Variants in CNTLN observed in about 807,000 individuals in gnomAD.
CNTLN encodes centlein, centrosomal protein.
In CNTLN, 212 loss-of-function variants were observed where a neutral mutation model predicts 180.0. That is an observed-to-expected ratio of 1.18 (90% CI 1.05 to 1.32). CNTLN has a LOEUF of 1.32. Ranked by LOEUF, CNTLN falls within the 40% of genes most tolerant of loss-of-function variation. The probability of loss-of-function intolerance (pLI) is 0.00; values close to 1 mark genes in which losing one functional copy is unlikely to be tolerated. For missense variants in CNTLN, 2,095 were observed against 1,610.9 expected (o/e 1.30, Z -5.14); for synonymous variants, 722 against 563.1 (o/e 1.28, Z -3.99).
At chr9:17,342,793 C>T (rs1821588593) in intron 12 of CNTLN, among the ~76,000 whole-genome samples, 1 of 152,160 alleles carries the variant, frequency 6.6e-6, no homozygotes, top group African/African-American at 2.4e-5. Context: ...GCCAGCCATC[C>T]TTGTTTGATC....
chr9:17,304,942 A>G (rs1818605669), intron 7 of CNTLN, among the ~76,000 whole-genome samples: 1 of 152,098 alleles, frequency 6.6e-6, no homozygotes, highest in African/African-American at 2.4e-5. Context: ...TGGAAACAAT[A>G]TTGTGGATAA....
intron 2 of CNTLN, among the ~76,000 whole-genome samples, chr9:17,215,565 G>A (rs76216375): frequency 2.6e-5 from 4 of 152,194 alleles, no homozygotes; most frequent in Non-Finnish European, 5.9e-5. Context: ...GAGAACGACT[G>A]CTCTCTTCAA....
intron 12 of CNTLN, among the ~76,000 whole-genome samples, chr9:17,349,918 T>C (rs1822222541): frequency 6.6e-6 from 1 of 152,200 alleles, no homozygotes; most frequent in Non-Finnish European, 1.5e-5. Flanking sequence ...TTAATTTAAA[T>C]AGGGGTATCT....
chr9:17,181,157 C>A (rs930203001), intron 2 of CNTLN, among the ~76,000 whole-genome samples: 2 of 152,180 alleles, frequency 1.3e-5, no homozygotes, highest in African/African-American at 4.8e-5. Context: ...TCTTTCTCTT[C>A]TACCTAGGCT....
intron 2 of CNTLN, among the ~76,000 whole-genome samples, chr9:17,215,349 G>A (rs996096725): frequency 2.6e-5 from 4 of 152,204 alleles, no homozygotes; most frequent in Non-Finnish European, 4.4e-5. Flanking sequence ...TGTCAGCAGC[G>A]GAGGCTGCAG....
At chr9:17,298,986 G>C in intron 7 of CNTLN, 1 of 963,354 alleles carries the variant, frequency 1.0e-6, no homozygotes, top group Non-Finnish European at 1.2e-6. Flanking sequence ...GCTCATGCCT[G>C]TAATCCCAGC....
intron 5 of CNTLN, among the ~76,000 whole-genome samples, chr9:17,271,472 G>A (rs1348029037): frequency 3.3e-4 from 47 of 141,418 alleles, no homozygotes; most frequent in Admixed American, 3.3e-3. Flanking sequence ...TTCCATTCTA[G>A]TAATTTAGGT....
rs1397053020 is a variant in CNTLN, at chr9:17,332,524, A to G, written c.1519-81A>G. ...TTATAATTCATTATTAGTATTCAAA[A>G]TTACTTGTTCTTTAATTTTGCATGT... On this transcript the variant is annotated intron_variant, in intron 9 of 25. Transcript: ENST00000380647. The G allele has an allele frequency of 2.9e-6, 4 of 1,364,276 alleles. No homozygotes were observed. In the Admixed American group the frequency reaches 1.0e-4, roughly 34 times the overall value. The allele number at this position is 1,364,276 out of a possible 1,614,324, so 84.5% of individuals were successfully genotyped here. A position where few individuals can be genotyped will look rare whatever the true frequency, so the allele number is the denominator to read the frequency against.
chr9:17,478,357 G>A (rs1185412695), intron 23 of CNTLN, among the ~76,000 whole-genome samples: 2 of 152,098 alleles, frequency 1.3e-5, no homozygotes, highest in Admixed American at 6.6e-5. Flanking sequence ...CTTCCATTGT[G>A]TAGGTTGCCT....
chr9:17,143,501 G>T (rs1222972834), intron 2 of CNTLN, 125 bp downstream of exon 2: 1 of 708,212 alleles, frequency 1.4e-6, no homozygotes, highest in Non-Finnish European at 2.3e-6. Context: ...TAAATGTGGA[G>T]CTAAAAATTA....
At chr9:17,341,715 G>A (rs1352685384) in intron 11 of CNTLN, among the ~76,000 whole-genome samples, 1 of 152,114 alleles carries the variant, frequency 6.6e-6, no homozygotes, top group African/African-American at 2.4e-5. Flanking sequence ...TTTGTTTTAT[G>A]TTCAGAAAAT....
intron 6 of CNTLN, 100 bp downstream of exon 6, chr9:17,273,966 A>G (rs902292448): frequency 2.7e-5 from 25 of 927,394 alleles, no homozygotes; most frequent in African/African-American, 2.1e-4. Context: ...AATAATAACT[A>G]TGTTTTCTGT....
chr9:17,194,050 A>G (rs1821963344), intron 2 of CNTLN, among the ~76,000 whole-genome samples: 1 of 152,202 alleles, frequency 6.6e-6, no homozygotes, highest in South Asian at 2.1e-4. Context: ...GCTGGGACAC[A>G]GGGCACCAAG....
chr9:17,193,436 A>T (rs1821918401), intron 2 of CNTLN, among the ~76,000 whole-genome samples: 1 of 152,150 alleles, frequency 6.6e-6, no homozygotes, highest in Admixed American at 6.5e-5. Context: ...CAAATGGGAG[A>T]AATTGGCCAA....
At chr9:17,423,798 G>T (rs1430202244) in intron 18 of CNTLN, among the ~76,000 whole-genome samples, 1 of 152,096 alleles carries the variant, frequency 6.6e-6, no homozygotes, top group East Asian at 1.9e-4. Context: ...TCCGCCTTGT[G>T]TTGTGTTCCG....
intron 25 of CNTLN, among the ~76,000 whole-genome samples, chr9:17,489,999 A>G (rs1024964695): frequency 6.6e-6 from 1 of 152,174 alleles, no homozygotes; most frequent in Non-Finnish European, 1.5e-5. Context: ...CTTGTAATTT[A>G]TGGCAGAGAC....
intron 6 of CNTLN, among the ~76,000 whole-genome samples, chr9:17,290,879 C>T (rs960016070): frequency 6.6e-6 from 1 of 152,218 alleles, no homozygotes; most frequent in Admixed American, 6.5e-5. Context: ...GCGCATGGTG[C>T]GTGCACCCAC....
chr9:17,394,832 A>C lies in CNTLN; in HGVS notation c.2378A>C (p.Asn793Thr). 6.2e-7 allele frequency: 1 copy of C among 1,614,012 alleles called. No individual in the cohort carries two copies. Among genetic ancestry groups the C allele is most frequent in the Non-Finnish European group, 8.5e-7 (1 of 1,179,982 alleles). Residue 793 changes from asparagine to threonine, a missense_variant, in exon 15 of 26, where the codon AAC (asparagine) becomes ACC (threonine). Transcript: ENST00000380647. The stretch of plus-strand genomic sequence containing the variant: ...AGAAATGAAAATGAAGAGCTGATCA[A>C]CCCAATGGAGAAATCACACCAGTCA... ...ALRNENEELI[N>T]PMEKSHQSAD...
At chr9:17,222,527 G>A (rs62558294) in intron 2 of CNTLN, among the ~76,000 whole-genome samples, 2,602 of 152,034 alleles carry the variant, frequency 0.017, 30 homozygotes, top group Non-Finnish European at 0.027. Context: ...AGGGGTTTCC[G>A]CTTTTGCATC....
Sources: allele counts gnomAD v4.1 joint callset (sites outside exome capture counted in the v4.1 genomes callset), GRCh38; gene constraint gnomAD v4.1.1; transcripts MANE v1.5; gene names NCBI Gene and HGNC (gene_info 2026-07-23, HGNC 2026-07-21).